Variants in BLNK observed in about 807,000 individuals in gnomAD.
BLNK encodes B cell linker.
Under a neutral mutation model 73.5 loss-of-function variants are expected in BLNK, and 29 were observed. The observed-to-expected ratio is 0.39, with a 90% CI of 0.29 to 0.54. The LOEUF (loss-of-function observed/expected upper bound fraction) is 0.54. BLNK is among the 20% of genes least tolerant of loss of function. The pLI is 0.61. For missense variants in BLNK, 460 were observed against 562.8 expected, an observed-to-expected ratio of 0.82 and a Z score of 1.85; for synonymous variants, 176 against 200.8, an observed-to-expected ratio of 0.88 and a Z score of 1.04.
chr10:96,246,551 TCAAAAAAA>T (rs1554907643), intron 2 of BLNK, among the ~76,000 whole-genome samples: 2 of 151,902 alleles, frequency 1.3e-5, no homozygotes, highest in African/African-American at 4.8e-5. Context: ...AAACTCCATC[TCAAAAAAA>T]CAAAAAAACA....
chr10:96,208,537 T>G (rs2083875255), intron 9 of BLNK, among the ~76,000 whole-genome samples: 1 of 152,216 alleles, frequency 6.6e-6, no homozygotes, highest in South Asian at 2.1e-4. Flanking sequence ...ATGATTCAGG[T>G]GCTGGAGCTT....
chr10:96,270,743 G>A (rs1353642564), intron 1 of BLNK, among the ~76,000 whole-genome samples: 1 of 152,180 alleles, frequency 6.6e-6, no homozygotes, highest in African/African-American at 2.4e-5. Flanking sequence ...AAAATTTGGG[G>A]AAGTTGTCTT....
At chr10:96,249,424 C>T (rs189320979) in intron 1 of BLNK, among the ~76,000 whole-genome samples, 1 of 152,358 alleles carries the variant, frequency 6.6e-6, no homozygotes, top group East Asian at 1.9e-4. Context: ...TGTGGGTGTC[C>T]TCTACCAAGT....
chr10:96,191,235 C>CTTTTTT lies in BLNK; in HGVS notation c.*732_*737dup, dbSNP rs34920263. Among the ~76,000 whole-genome samples the CTTTTTT allele has an allele frequency of 8.4e-5, 11 of 130,248 alleles. No homozygotes were observed. Among genetic ancestry groups the CTTTTTT allele is most frequent in the Non-Finnish European group, 1.6e-4 (10 of 62,736 alleles). The allele number at this position is 130,248 out of a possible 152,430, so 85.4% of individuals were successfully genotyped here. ...GTGGAACTGTGAGTCCATTAAACCT[C>CTTTTTT]TTTTTTTTTTTTTTTTTTTATGTAA... On this transcript the variant is annotated 3_prime_UTR_variant, in exon 17 of 17. Coordinates refer to ENST00000224337, the MANE Select transcript of BLNK (RefSeq NM_013314.4).
At chr10:96,223,717 GT>G in intron 6 of BLNK, 108 bp downstream of exon 6, 8 of 1,342,906 alleles carry the variant, frequency 6.0e-6, no homozygotes, top group Non-Finnish European at 6.4e-6. Flanking sequence ...AGAGGGGGCA[GT>G]CAATAGCAGG....
At chr10:96,204,694 G>T in intron 11 of BLNK, 78 bp from the exon 12 acceptor site, 1 of 1,369,686 alleles carries the variant, frequency 7.3e-7, no homozygotes. Flanking sequence ...CATCAGCTGA[G>T]AAGAACCAAA....
intron 16 of BLNK, among the ~76,000 whole-genome samples, chr10:96,194,617 A>G (rs1554894241): frequency 6.6e-6 from 1 of 152,220 alleles, no homozygotes; most frequent in African/African-American, 2.4e-5. Flanking sequence ...GTTAATATCC[A>G]GAAACATAAA....
intron 13 of BLNK, among the ~76,000 whole-genome samples, chr10:96,203,018 C>T (rs1326565722): frequency 6.6e-6 from 1 of 152,192 alleles, no homozygotes; most frequent in Non-Finnish European, 1.5e-5. Context: ...TATAGCACTT[C>T]AGCATTTACC....
intron 6 of BLNK, among the ~76,000 whole-genome samples, chr10:96,223,457 T>C (rs1303007433): frequency 2.0e-5 from 3 of 152,124 alleles, no homozygotes; most frequent in African/African-American, 4.8e-5. Flanking sequence ...GAATTGAGGT[T>C]GCTGCAGACC....
chr10:96,191,043 C>T lies in BLNK; in HGVS notation c.*930G>A, dbSNP rs1055131788. ...GACCTGGTGGGAGGTAACTGAATCACGCGGGCAGGTTTTCCCATGTTGTTG... is the reference window on the plus strand; with the variant it reads ...GACCTGGTGGGAGGTAACTGAATCATGCGGGCAGGTTTTCCCATGTTGTTG... On this transcript the variant is annotated 3_prime_UTR_variant, in exon 17 of 17. Transcript: ENST00000224337. Among the ~76,000 whole-genome samples the T allele has an allele frequency of 2.6e-5, 4 of 152,104 alleles. No homozygotes were observed. The highest frequency in any genetic ancestry group is 3.8e-4 in the East Asian group (2 of 5,198).
Position 96,223,813 on chromosome 10 carries a change from A to G in BLNK, c.525+13T>C, listed in dbSNP as rs368519346. Reference sequence around the variant, plus strand: ...CTGTGTCCTGGGAAGCCTTTGGCACAGATTTACTTTACCTCATCCTCAAGG... The same window carrying G: ...CTGTGTCCTGGGAAGCCTTTGGCACGGATTTACTTTACCTCATCCTCAAGG... On this transcript the variant is annotated intron_variant, in intron 6 of 16. Transcript: ENST00000224337. 4.3e-4 allele frequency: 687 copies of G among 1,613,368 alleles called. No individual in the cohort carries two copies. Among genetic ancestry groups the G allele is most frequent in the Non-Finnish European group, 5.6e-4 (663 of 1,179,954 alleles).
At chr10:96,225,495 G>A (rs1554902256) in intron 5 of BLNK, among the ~76,000 whole-genome samples, 1 of 152,182 alleles carries the variant, frequency 6.6e-6, no homozygotes, top group Non-Finnish European at 1.5e-5. Flanking sequence ...AGGCATGAGG[G>A]CATCCTTCCT....
At chr10:96,253,946 A>G (rs968598387) in intron 1 of BLNK, among the ~76,000 whole-genome samples, 2 of 152,132 alleles carry the variant, frequency 1.3e-5, no homozygotes, top group East Asian at 3.9e-4. Flanking sequence ...GCATGGACCC[A>G]GGAGGTGGAG....
intron 1 of BLNK, among the ~76,000 whole-genome samples, chr10:96,265,357 T>C (rs919946590): frequency 1.3e-5 from 2 of 152,086 alleles, no homozygotes; most frequent in East Asian, 3.9e-4. Context: ...AATATGCTTT[T>C]TACCTCAACA....
rs587737222 is a variant in BLNK, at chr10:96,195,704, A to G, written c.1251+1204T>C. On this transcript the variant is annotated intron_variant, in intron 16 of 16. Coordinates refer to ENST00000224337, the MANE Select transcript of BLNK (RefSeq NM_013314.4). The stretch of plus-strand genomic sequence containing the variant: ...GGGTATAGGGTTTTAGTTCTATAAG[A>G]TGAACAAGTTCTGGAGATCTGTTTC... 7.2e-5 allele frequency among the ~76,000 whole-genome samples: 11 copies of G among 152,352 alleles called. No homozygotes were observed. In the East Asian group the frequency reaches 1.7e-3, roughly 24 times the overall value.
chr10:96,200,844 C>T lies in BLNK; in HGVS notation c.1011+138G>A. ...CAACTGGGTATTCTGTCCCTATTACCAAATGACAGTTCACATAATGATGTA... is the reference window on the plus strand; with the variant it reads ...CAACTGGGTATTCTGTCCCTATTACTAAATGACAGTTCACATAATGATGTA... On this transcript the variant is annotated intron_variant, in intron 14 of 16. Transcript: ENST00000224337. The surrounding 1 kb of genome is among the most constrained non-coding windows in gnomAD (Gnocchi z 4.3). 2.4e-6 allele frequency: 2 copies of T among 840,012 alleles called. No individual in the cohort carries two copies. The highest frequency in any genetic ancestry group is 4.1e-6 in the Non-Finnish European group (2 of 490,166). The allele number at this position is 840,012 out of a possible 1,614,324, so 52.0% of individuals were successfully genotyped here.
At chr10:96,233,820 C>G (rs1473248927) in intron 3 of BLNK, among the ~76,000 whole-genome samples, 1 of 152,202 alleles carries the variant, frequency 6.6e-6, no homozygotes, top group Non-Finnish European at 1.5e-5. Flanking sequence ...TCTAATTTAT[C>G]TTTGCATCTG....
intron 3 of BLNK, among the ~76,000 whole-genome samples, chr10:96,242,153 T>A (rs1245555718): frequency 6.6e-6 from 1 of 152,166 alleles, no homozygotes; most frequent in Non-Finnish European, 1.5e-5. Flanking sequence ...ATGAGTGCAG[T>A]TTCCCCCGTA....
intron 1 of BLNK, among the ~76,000 whole-genome samples, chr10:96,256,005 C>T (rs1554910995): frequency 1.3e-5 from 2 of 152,156 alleles, no homozygotes; most frequent in Non-Finnish European, 2.9e-5. Context: ...TTTAAAACAG[C>T]TCGATGATAG....
Sources: allele counts gnomAD v4.1 joint callset (sites outside exome capture counted in the v4.1 genomes callset), GRCh38; gene constraint gnomAD v4.1.1; non-coding constraint Gnocchi (gnomAD v3.1); transcripts MANE v1.5; gene names NCBI Gene and HGNC (gene_info 2026-07-23, HGNC 2026-07-21).